The following SLC44A5 variants were observed in gnomAD, a reference collection of about 807,000 sequenced individuals.
The protein encoded by SLC44A5 is choline transporter-like protein 5.
Under a neutral mutation model 101.8 loss-of-function variants are expected in SLC44A5, and 57 were observed. That is an observed-to-expected ratio of 0.56 (90% CI 0.45 to 0.70). SLC44A5 has a LOEUF of 0.70. Among genes scored for constraint, SLC44A5 ranks in the 30% least tolerant of loss-of-function variants. SLC44A5 has a pLI of 0.00. For synonymous variants in SLC44A5, 281 were observed against 290.9 expected (o/e 0.97, Z 0.35); for missense variants, 737 against 853.1 (o/e 0.86, Z 1.70).
At chr1:75,646,658 A>T in the SLC44A5 span, among the ~76,000 whole-genome samples, 1 of 152,134 alleles carries the variant, frequency 6.6e-6, no homozygotes, top group Non-Finnish European at 1.5e-5. Context: ...GAGAGTTCTC[A>T]CGAGATCTGA....
At chr1:75,494,186 C>T (rs1668557682) in intron 2 of SLC44A5, among the ~76,000 whole-genome samples, 1 of 152,160 alleles carries the variant, frequency 6.6e-6, no homozygotes, top group Admixed American at 6.5e-5. Flanking sequence ...GCAGGAATGC[C>T]TTTGCCAGAT....
At chr1:75,317,541 C>A (rs1442290600) in intron 4 of SLC44A5, among the ~76,000 whole-genome samples, 1 of 152,116 alleles carries the variant, frequency 6.6e-6, no homozygotes, top group Admixed American at 6.5e-5. Context: ...AAGAAAGATA[C>A]ACAATTTAAA....
chr1:75,484,811 C>T (rs1668068310), intron 2 of SLC44A5, among the ~76,000 whole-genome samples: 1 of 152,254 alleles, frequency 6.6e-6, no homozygotes, highest in Admixed American at 6.5e-5. Flanking sequence ...TTCTGCACAA[C>T]TGTAAGCCCA....
chr1:75,391,503 G>C (rs889657847), intron 3 of SLC44A5, among the ~76,000 whole-genome samples: 7 of 152,034 alleles, frequency 4.6e-5, no homozygotes, highest in African/African-American at 1.2e-4. Context: ...AAAACAGCAT[G>C]GTACTGACAT....
At chr1:75,677,769 C>T in the SLC44A5 span, 21 of 437,998 alleles carry the variant, frequency 4.8e-5, no homozygotes, top group Non-Finnish European at 8.6e-5. Flanking sequence ...CCAAGATGGC[C>T]GAATAGGAAC....
chr1:75,291,607 T>C (rs1223508697), intron 5 of SLC44A5, among the ~76,000 whole-genome samples: 1 of 151,834 alleles, frequency 6.6e-6, no homozygotes, highest in South Asian at 2.1e-4. Context: ...CAAAAACGAA[T>C]AGAGGCCCAA....
At chr1:75,347,577 A>T (rs980210886) in intron 3 of SLC44A5, among the ~76,000 whole-genome samples, 2 of 152,136 alleles carry the variant, frequency 1.3e-5, no homozygotes, top group African/African-American at 4.8e-5. Context: ...GACAACAGAG[A>T]TACATACAAC....
At chr1:75,400,432 A>G (rs1557745280) in intron 2 of SLC44A5, among the ~76,000 whole-genome samples, 1 of 152,306 alleles carries the variant, frequency 6.6e-6, no homozygotes, top group Non-Finnish European at 1.5e-5. Flanking sequence ...CACAGAGCCT[A>G]TTTTTTAGTA....
intron 2 of SLC44A5, among the ~76,000 whole-genome samples, chr1:75,496,693 C>A (rs1417560525): frequency 6.7e-6 from 1 of 150,276 alleles, no homozygotes; most frequent in Non-Finnish European, 1.5e-5. Flanking sequence ...GATGAAAAGG[C>A]AACCTACAAA....
chr1:75,475,665 A>G (rs1667344965), intron 2 of SLC44A5, among the ~76,000 whole-genome samples: 1 of 152,238 alleles, frequency 6.6e-6, no homozygotes, highest in Non-Finnish European at 1.5e-5. Flanking sequence ...AACCTTTCAG[A>G]GAATACCCAT....
the SLC44A5 span, among the ~76,000 whole-genome samples, chr1:75,630,453 C>A: frequency 6.6e-6 from 1 of 152,186 alleles, no homozygotes; most frequent in African/African-American, 2.4e-5. Context: ...CCAGCTACAG[C>A]ATCTCAGCTT....
intron 2 of SLC44A5, among the ~76,000 whole-genome samples, chr1:75,483,699 C>T (rs1210338108): frequency 6.6e-6 from 1 of 152,054 alleles, no homozygotes; most frequent in Non-Finnish European, 1.5e-5. Flanking sequence ...GGGTATTGGA[C>T]TAGATGATCT....
chr1:75,265,629 C>T (rs1650921114), intron 6 of SLC44A5, among the ~76,000 whole-genome samples: 1 of 152,170 alleles, frequency 6.6e-6, no homozygotes, highest in Admixed American at 6.5e-5. Flanking sequence ...AATACCCTGA[C>T]TTGAATATTA....
At chr1:75,338,583 T>C (rs1232593498) in intron 4 of SLC44A5, among the ~76,000 whole-genome samples, 2 of 152,322 alleles carry the variant, frequency 1.3e-5, no homozygotes, top group Admixed American at 1.3e-4. Context: ...GTTTGTATAC[T>C]AGACAACAAA....
At chr1:75,293,040 G>A (rs111814753) in intron 5 of SLC44A5, among the ~76,000 whole-genome samples, 6 of 152,232 alleles carry the variant, frequency 3.9e-5, no homozygotes, top group Admixed American at 1.3e-4. Flanking sequence ...GCTGACTCAC[G>A]TTTGTGCAGG....
chr1:75,287,945 TCA>T (rs1653205955), intron 5 of SLC44A5, among the ~76,000 whole-genome samples: 4 of 152,152 alleles, frequency 2.6e-5, no homozygotes, highest in African/African-American at 4.8e-5. Context: ...GGTGATGCTT[TCA>T]AGACAGCATG....
At chr1:75,404,111 T>A (rs546177112) in intron 2 of SLC44A5, among the ~76,000 whole-genome samples, 21 of 151,782 alleles carry the variant, frequency 1.4e-4, no homozygotes, top group African/African-American at 5.1e-4. Context: ...AGACTGAAGA[T>A]CAACTTAATG....
intron 3 of SLC44A5, among the ~76,000 whole-genome samples, chr1:75,376,789 C>G (rs1165039334): frequency 3.9e-5 from 6 of 152,318 alleles, no homozygotes; most frequent in African/African-American, 1.4e-4. Flanking sequence ...TCCAAAGGAA[C>G]GCAGTTCCTC....
rs78946795 is a variant in SLC44A5 at position 75,231,131 on chromosome 1, C to G, written c.853+2855G>C. Among the ~76,000 whole-genome samples the G allele has an allele frequency of 1.0e-2, 1,517 of 152,200 alleles. 36 individuals are homozygous for G. The highest frequency in any genetic ancestry group is 0.034 in the African/African-American group (1,429 of 41,528). On this transcript the variant is annotated intron_variant, in intron 12 of 23. Transcript: ENST00000370859. ...TGTTTATTTTGGCAGTCAAAGGGTA[C>G]TAACAAACTGGGGTCATTTTAGACA...
Sources: gnomAD v4.1 joint callset for allele counts (sites outside exome capture counted in the v4.1 genomes callset) on GRCh38, gnomAD v4.1.1 for gene constraint, MANE v1.5 for transcripts, NCBI Gene and HGNC (gene_info 2026-07-23, HGNC 2026-07-21) for gene names.